The following POLD1 variants were observed in gnomAD, a reference collection of about 807,000 sequenced individuals.
POLD1 encodes DNA polymerase delta 1, catalytic subunit.
A neutral mutation model predicts 129.7 loss-of-function variants in POLD1; 79 were observed. The observed-to-expected ratio is 0.61, with a 90% confidence interval of 0.51 to 0.73. The LOEUF (loss-of-function observed/expected upper bound fraction) is 0.73, where lower values mean the gene tolerates loss of function less well. Among genes scored for constraint, POLD1 ranks in the 30% least tolerant of loss-of-function variants. The pLI is 0.00. For missense variants in POLD1, 1,338 were observed against 1,595.8 expected, an observed-to-expected ratio of 0.84 and a Z score of 2.75; for synonymous variants, 714 against 683.3, an observed-to-expected ratio of 1.04 and a Z score of -0.70.
intron 24 of POLD1, 61 bp downstream of exon 24, chr19:50,416,784 A>G (rs2039314104): frequency 3.8e-6 from 5 of 1,303,510 alleles, no homozygotes; most frequent in Admixed American, 2.1e-5. Flanking sequence ...GTCACCCCAG[A>G]TCCTAGACAC....
chr19:50,413,583 G>C, intron 18 of POLD1, 62 bp downstream of exon 18: 1 of 1,541,472 alleles, frequency 6.5e-7, no homozygotes, highest in East Asian at 2.3e-5. Flanking sequence ...ATGGAAGCCG[G>C]GCCGGACCCC....
Position 50,409,772 on chromosome 19 carries a change from A to C in POLD1, c.2154+106A>C, listed in dbSNP as rs1441058319. The C allele has an allele frequency of 7.3e-6, 9 of 1,239,496 alleles. No homozygotes were observed. The East Asian group carries it at 2.1e-4, about 29-fold the overall frequency. The allele number at this position is 1,239,496 out of a possible 1,614,324, so 76.8% of individuals were successfully genotyped here. On this transcript the variant is annotated intron_variant, in intron 17 of 26. Coordinates refer to ENST00000440232, the MANE Select transcript of POLD1 (RefSeq NM_002691.4). This position sits in a 1 kb window ranked among gnomAD's most constrained non-coding sequence, Gnocchi z 5.8. ...TGTATCCAGAGGACTGGGCACCCCA[A>C]CTCACTGGCCTTCTAGAGAGAGGAT...
intron 1 of POLD1, among the ~76,000 whole-genome samples, chr19:50,390,149 T>C (rs1404488535): frequency 1.3e-5 from 2 of 151,998 alleles, no homozygotes; most frequent in Non-Finnish European, 2.9e-5. Flanking sequence ...CCTCAGGTAA[T>C]CCACCCACCT....
rs149043082 is a variant in POLD1 at position 50,407,040 on chromosome 19, C to A, written c.1552C>A (p.Leu518Met). Residue 518 changes from leucine (L) to methionine (M), a missense_variant, in exon 13 of 27, where the codon CTG (leucine) becomes ATG (methionine). Physicochemically the swap from Leu to Met is conservative, Grantham distance 15. Coordinates refer to ENST00000440232, the MANE Select transcript of POLD1 (RefSeq NM_002691.4). ...LAVYCLKDAYLPLRLLERLMV... is the reference protein window; with the variant it reads ...LAVYCLKDAYMPLRLLERLMV... The stretch of plus-strand genomic sequence containing the variant: ...TGTGTACTGCCTGAAGGATGCCTAC[C>A]TGCCACTGCGGCTGCTGGAGCGGCT... 21 of 1,613,692 alleles carry A rather than the reference C, an allele frequency of 1.3e-5. 1 individual carries two copies. Among genetic ancestry groups the A allele is most frequent in the Non-Finnish European group, 1.7e-5 (20 of 1,180,006 alleles).
chr19:50,417,436 G>A (rs1292124877), intron 26 of POLD1, among the ~76,000 whole-genome samples, 167 bp downstream of exon 26: 3 of 152,160 alleles, frequency 2.0e-5, no homozygotes, highest in African/African-American at 7.2e-5. Flanking sequence ...CTGAAAAATG[G>A]GCCCATCCCA....
chr19:50,415,054 C>G, intron 20 of POLD1, 64 bp downstream of exon 20: 1 of 1,392,568 alleles, frequency 7.2e-7, no homozygotes, highest in Non-Finnish European at 9.5e-7. Flanking sequence ...CCCTCAGACC[C>G]AGGAGTCTAG....
intron 2 of POLD1, 73 bp from the exon 3 acceptor site, chr19:50,399,298 C>A: frequency 7.5e-7 from 1 of 1,332,488 alleles, no homozygotes; most frequent in Non-Finnish European, 1.1e-6. Context: ...TGGCTCCTTT[C>A]AGAACCACAT....
chr19:50,390,946 A>C (rs905320965), intron 1 of POLD1, among the ~76,000 whole-genome samples: 1 of 152,196 alleles, frequency 6.6e-6, no homozygotes, highest in Admixed American at 6.5e-5. Flanking sequence ...AGTACAGAAC[A>C]AAATGGAGTC....
At position 50,406,842 on chromosome 19, in the gene POLD1, C is replaced by T; in HGVS notation, c.1495-141C>T. ...CCCTACCTCCATCCCCACCCAGACC[C>T]TGACGACTTGGAGGGCCCTCCTGCC... On this transcript the variant is annotated intron_variant, in intron 12 of 26. Coordinates refer to ENST00000440232, the MANE Select transcript of POLD1 (RefSeq NM_002691.4). This position sits in a 1 kb window ranked among gnomAD's most constrained non-coding sequence, Gnocchi z 5.5. 1 of 692,622 alleles carries T rather than the reference C, an allele frequency of 1.4e-6. No homozygotes were observed. Among genetic ancestry groups the T allele is most frequent in the South Asian group, 1.8e-5 (1 of 55,350 alleles). The allele number at this position is 692,622 out of a possible 1,614,324, so 42.9% of individuals were successfully genotyped here. A position where few individuals can be genotyped will look rare whatever the true frequency, so the allele number is the denominator to read the frequency against.
chr19:50,406,659 C>T lies in POLD1; in HGVS notation c.1494+142C>T, dbSNP rs928271863. The stretch of plus-strand genomic sequence containing the variant: ...ATGACCTGTGACCTTACCTGACGCC[C>T]ACTTTTTCCTGACCTCTGACCCCAG... On this transcript the variant is annotated intron_variant, in intron 12 of 26. Transcript: ENST00000440232. This position sits in a 1 kb window ranked among gnomAD's most constrained non-coding sequence, Gnocchi z 5.5. 13 of 678,192 alleles carry T rather than the reference C, an allele frequency of 1.9e-5. No individual in the cohort carries two copies. The East Asian group carries it at 3.0e-4, about 16-fold the overall frequency. 42.0% of individuals were successfully genotyped at this position (678,192 alleles called of 1,614,324 possible). A position where few individuals can be genotyped will look rare whatever the true frequency, so the allele number is the denominator to read the frequency against.
At chr19:50,415,938 T>C in intron 22 of POLD1, 112 bp downstream of exon 22, 2 of 781,906 alleles carry the variant, frequency 2.6e-6, no homozygotes, top group Middle Eastern at 3.8e-4. Context: ...TGTGGGGCCC[T>C]GAGAACCGCC....
At position 50,412,241 on chromosome 19, in the gene POLD1, C is replaced by CTCCCGGGT. The variant is rs2039111345; in HGVS notation, c.2155-1182_2155-1175dup. ...AATCTTGGCTCACTGCGACCTCTCCCTCCCGGGTTCAAGTGATTCTCCTGC... is the reference window on the plus strand; with the variant it reads ...AATCTTGGCTCACTGCGACCTCTCCCTCCCGGGTTCCCGGGTTCAAGTGATTCTCCTGC... On this transcript the variant is annotated intron_variant, in intron 17 of 26. Coordinates refer to ENST00000440232, the MANE Select transcript of POLD1 (RefSeq NM_002691.4). Among the ~76,000 whole-genome samples the CTCCCGGGT allele has an allele frequency of 2.0e-5, 3 of 152,292 alleles. No homozygotes were observed. The South Asian group carries it at 6.2e-4, about 32-fold the overall frequency.
chr19:50,410,715 C>T (rs970791900), intron 17 of POLD1, among the ~76,000 whole-genome samples: 1 of 152,102 alleles, frequency 6.6e-6, no homozygotes, highest in Non-Finnish European at 1.5e-5. Flanking sequence ...TTGATGCGTG[C>T]CTGCACACAT....
chr19:50,387,061 G>A (rs1254763939), intron 1 of POLD1, among the ~76,000 whole-genome samples: 2 of 150,988 alleles, frequency 1.3e-5, no homozygotes, highest in Non-Finnish European at 3.0e-5. Flanking sequence ...GCGTGGTGGT[G>A]GGCGCCTGTA....
At chr19:50,414,728 C>T in intron 19 of POLD1, 87 bp from the exon 20 acceptor site, 3 of 1,129,988 alleles carry the variant, frequency 2.7e-6, no homozygotes, top group Non-Finnish European at 3.7e-6. Flanking sequence ...CGTCTGGGAC[C>T]CTGTCTACCT....
In POLD1 at chr19:50,402,111, G is replaced by T; in HGVS notation, c.576G>T (p.Leu192=). 6.2e-7 allele frequency: 1 copy of T among 1,612,574 alleles called. No individual in the cohort carries two copies. The highest frequency in any genetic ancestry group is 8.5e-7 in the Non-Finnish European group (1 of 1,179,160). ...LTGPAVLAVE[L]CSRESMFGYH... is the part of the protein sequence containing the mutation. ...GGCCGGCCGTGCTGGCTGTGGAACT[G>T]TGCTCCCGAGAGAGTGAGTGCTCCC... The change falls in exon 5 of 27, where the codon CTG becomes CTT. Residue 192 remains leucine (L), a synonymous_variant. Transcript: ENST00000440232.
intron 1 of POLD1, among the ~76,000 whole-genome samples, chr19:50,398,431 G>A (rs532254807): frequency 6.6e-6 from 1 of 152,134 alleles, no homozygotes; most frequent in African/African-American, 2.4e-5. Flanking sequence ...AATTAGCTGG[G>A]TGTGGTGGTG....
In POLD1 at chr19:50,403,256, G is replaced by A. The variant is rs766407009; in HGVS notation, c.1137+37G>A. The A allele has an allele frequency of 7.3e-6, 11 of 1,509,300 alleles. No homozygotes were observed. The East Asian group carries it at 2.7e-4, about 37-fold the overall frequency. 93.5% of individuals were successfully genotyped at this position (1,509,300 alleles called of 1,614,324 possible). The stretch of plus-strand genomic sequence containing the variant: ...TCCACGCCCCACACCATTTCCCGGG[G>A]TCCCCGCCAGCCTCCGCGTCCTGAG... On this transcript the variant is annotated intron_variant, in intron 9 of 26. Coordinates refer to ENST00000440232, the MANE Select transcript of POLD1 (RefSeq NM_002691.4).
rs1228707178 is a variant in POLD1, at chr19:50,415,734, C to T, written c.2728C>T (p.Arg910Trp). The T allele has an allele frequency of 1.3e-6, 2 of 1,546,774 alleles. No homozygotes were observed. Among genetic ancestry groups the T allele is most frequent in the South Asian group, 1.2e-5 (1 of 84,592 alleles). ...HVELAERMRK[R>W]DPGSAPSLGD... The stretch of plus-strand genomic sequence containing the variant: ...CCCATCTCCACGCAGGATGAGGAAG[C>T]GGGACCCCGGGAGTGCGCCCAGCCT... The change falls in exon 22 of 27, where the codon CGG becomes TGG. Residue 910 changes from arginine to tryptophan, a missense_variant. By Grantham distance (101) the Arg-to-Trp change is moderately radical. Coordinates refer to ENST00000440232, the MANE Select transcript of POLD1 (RefSeq NM_002691.4).
Sources: gnomAD v4.1 joint callset for allele counts (sites outside exome capture counted in the v4.1 genomes callset) on GRCh38, gnomAD v4.1.1 for gene constraint, Gnocchi (gnomAD v3.1) non-coding constraint, MANE v1.5 for transcripts, NCBI Gene and HGNC (gene_info 2026-07-23, HGNC 2026-07-21) for gene names.